MAGI2: variants seen among roughly 807,000 people sequenced by gnomAD.
The protein encoded by MAGI2 is membrane associated guanylate kinase, WW and PDZ domain containing 2.
Under a neutral mutation model 133.3 loss-of-function variants are expected in MAGI2, and 35 were observed. The observed-to-expected ratio is 0.26, with a 90% CI of 0.20 to 0.35. The LOEUF (loss-of-function observed/expected upper bound fraction) is 0.35. Ranked by LOEUF, MAGI2 falls within the 10% of genes least tolerant of loss-of-function variation. MAGI2 has a pLI of 1.00. For missense variants in MAGI2, 1,636 were observed against 1,863.4 expected (o/e 0.88, Z 2.25); for synonymous variants, 729 against 710.6 (o/e 1.03, Z -0.41).
intron 21 of MAGI2, among the ~76,000 whole-genome samples, chr7:78,059,160 T>C (rs1275801953): frequency 6.6e-6 from 1 of 152,186 alleles, no homozygotes; most frequent in African/African-American, 2.4e-5. Flanking sequence ...CATATTGACC[T>C]GGGGCATGTT....
At chr7:78,907,599 A>G (rs1229453156) in intron 2 of MAGI2, among the ~76,000 whole-genome samples, 1 of 152,204 alleles carries the variant, frequency 6.6e-6, no homozygotes, top group African/African-American at 2.4e-5. Flanking sequence ...GGATTTTACA[A>G]TGAAGCAAAT....
chr7:78,109,351 A>G (rs1819107787), intron 20 of MAGI2, among the ~76,000 whole-genome samples: 2 of 131,436 alleles, frequency 1.5e-5, no homozygotes, highest in East Asian at 2.7e-4. Context: ...AGAAAAAAAA[A>G]AGAAAATCCT....
chr7:78,817,812 C>G (rs760455939), intron 2 of MAGI2, among the ~76,000 whole-genome samples: 58 of 151,716 alleles, frequency 3.8e-4, no homozygotes, highest in Middle Eastern at 3.4e-3. Flanking sequence ...TGGGTTCAAG[C>G]GATTCTCCTG....
Position 79,382,087 on chromosome 7 carries a change from C to A in MAGI2, c.301+70933G>T, listed in dbSNP as rs1034394999. On this transcript the variant is annotated intron_variant, in intron 1 of 21. Coordinates refer to ENST00000354212, the MANE Select transcript of MAGI2 (RefSeq NM_012301.4). ...TCTGTGACAGTCTAACAGCTTTTGG[C>A]AGGCAGAGGAAGAAATAATTCCCAG... is the stretch of plus-strand genomic sequence containing the variant. Among the ~76,000 whole-genome samples, 3 of 151,524 alleles carry A rather than the reference C, an allele frequency of 2.0e-5. No individual in the cohort carries two copies. The Admixed American group carries it at 2.0e-4, about 10-fold the overall frequency.
chr7:78,433,966 C>T (rs374876469), intron 6 of MAGI2, among the ~76,000 whole-genome samples: 1 of 152,070 alleles, frequency 6.6e-6, no homozygotes, highest in African/African-American at 2.4e-5. Context: ...TCTCGTCTAG[C>T]CAAATACTAT....
chr7:78,810,959 A>C (rs1788992181), intron 2 of MAGI2, among the ~76,000 whole-genome samples: 1 of 152,076 alleles, frequency 6.6e-6, no homozygotes, highest in Admixed American at 6.5e-5. Context: ...CATATATGGC[A>C]ACTTTTAAAC....
chr7:79,154,425 A>G (rs987906332), intron 1 of MAGI2, among the ~76,000 whole-genome samples: 1 of 152,196 alleles, frequency 6.6e-6, no homozygotes, highest in Admixed American at 6.5e-5. Context: ...GACTGTCTAC[A>G]AAGAATGTCT....
intron 1 of MAGI2, among the ~76,000 whole-genome samples, chr7:79,208,750 T>A (rs1373047980): frequency 6.6e-6 from 1 of 152,020 alleles, no homozygotes; most frequent in Non-Finnish European, 1.5e-5. Flanking sequence ...TATAACATTA[T>A]TTACAATAGA....
chr7:78,868,415 A>C (rs898456461), intron 2 of MAGI2, among the ~76,000 whole-genome samples: 3 of 152,222 alleles, frequency 2.0e-5, no homozygotes, highest in East Asian at 3.8e-4. Flanking sequence ...AAGGTCTTCA[A>C]CTTAAGCAGT....
chr7:78,498,192 A>AT (rs1794301422), intron 5 of MAGI2, among the ~76,000 whole-genome samples: 1 of 152,226 alleles, frequency 6.6e-6, no homozygotes, highest in East Asian at 1.9e-4. Flanking sequence ...TATGTTAAGT[A>AT]GCTTAACTGA....
chr7:78,139,222 C>T (rs3779294), intron 16 of MAGI2, among the ~76,000 whole-genome samples: 16,669 of 152,194 alleles, frequency 0.11, 1,194 homozygotes, highest in Non-Finnish European at 0.16. Context: ...AAGTACCTGA[C>T]GTGGTTTTAT....
intron 6 of MAGI2, among the ~76,000 whole-genome samples, chr7:78,381,470 A>G (rs914443674): frequency 6.6e-6 from 1 of 152,218 alleles, no homozygotes; most frequent in Admixed American, 6.5e-5. Flanking sequence ...ACATAAAAAC[A>G]GAAAAGAATA....
intron 1 of MAGI2, among the ~76,000 whole-genome samples, chr7:79,171,756 ATATATATATATATAT>A (rs1355200796): frequency 3.2e-5 from 1 of 30,894 alleles, no homozygotes; most frequent in African/African-American, 7.9e-5. Flanking sequence ...ATATATATAT[ATATATATATATATAT>A]TTTTTTTTTT....
intron 3 of MAGI2, among the ~76,000 whole-genome samples, chr7:78,603,752 A>G (rs1584805707): frequency 6.6e-6 from 1 of 151,986 alleles, no homozygotes; most frequent in Non-Finnish European, 1.5e-5. Flanking sequence ...TGAACTTGTG[A>G]CCTCGTGATT....
chr7:78,369,382 G>C (rs1793700006), intron 6 of MAGI2, among the ~76,000 whole-genome samples, 169 bp from the exon 7 acceptor site: 1 of 152,094 alleles, frequency 6.6e-6, no homozygotes, highest in Admixed American at 6.6e-5. Flanking sequence ...AAGAGGCACT[G>C]ACTTGAAAAC....
chr7:78,467,178 G>C (rs1357275994), intron 6 of MAGI2, among the ~76,000 whole-genome samples: 2 of 152,104 alleles, frequency 1.3e-5, no homozygotes, highest in African/African-American at 4.8e-5. Flanking sequence ...CTGGTTCTCT[G>C]TCACATTTGG....
chr7:78,486,602 T>G, intron 6 of MAGI2: 1 of 278,884 alleles, frequency 3.6e-6, no homozygotes, highest in Admixed American at 3.6e-5. Context: ...ACCCCGAGAT[T>G]GGGAGTTGTG....
At chr7:79,262,820 C>T (rs1008178647) in intron 1 of MAGI2, among the ~76,000 whole-genome samples, 1 of 152,194 alleles carries the variant, frequency 6.6e-6, no homozygotes, top group Non-Finnish European at 1.5e-5. Context: ...CTACAGTGAA[C>T]TTTCAAATAC....
chr7:78,607,533 T>C (rs548593895), intron 3 of MAGI2, among the ~76,000 whole-genome samples: 2 of 151,364 alleles, frequency 1.3e-5, no homozygotes, highest in Non-Finnish European at 2.9e-5. Context: ...CTGTAAAATG[T>C]ACTGCATTGT....
Sources: gnomAD v4.1 joint callset for allele counts (sites outside exome capture counted in the v4.1 genomes callset) on GRCh38, gnomAD v4.1.1 for gene constraint, MANE v1.5 for transcripts, NCBI Gene and HGNC (gene_info 2026-07-23, HGNC 2026-07-21) for gene names.